The following TMEM232 variants were observed in gnomAD, a reference collection of about 807,000 sequenced individuals.
TMEM232 encodes the protein transmembrane protein 232.
In TMEM232, 80 loss-of-function variants were observed where a neutral mutation model predicts 78.8. The ratio of observed to expected loss-of-function variants is 1.01; its 90% CI spans 0.85 to 1.22. The LOEUF is 1.22. Ranked by LOEUF, TMEM232 falls within the 50% of genes most tolerant of loss-of-function variation. The pLI is 0.00. For missense variants in TMEM232, 881 were observed against 742.2 expected, an observed-to-expected ratio of 1.19 and a Z score of -2.17; for synonymous variants, 297 against 254.3, an observed-to-expected ratio of 1.17 and a Z score of -1.60.
chr5:110,445,013 A>AGGAACTCTTT lies in TMEM232; in HGVS notation c.1704-20107_1704-20098dup, dbSNP rs536163234. ...TTCCACTATTGTGTTTTTAATGTCT[A>AGGAACTCTTT]GGAACTCTTTCTTTCTTATTCATAT... On this transcript the variant is annotated intron_variant, in intron 12 of 13. Transcript: ENST00000455884. Among the ~76,000 whole-genome samples the AGGAACTCTTT allele has an allele frequency of 1.8e-4, 28 of 152,096 alleles. No individual in the cohort carries two copies. In the South Asian group the frequency reaches 5.4e-3, roughly 29 times the overall value.
At chr5:110,709,999 T>C (rs1197440315) in intron 1 of TMEM232, among the ~76,000 whole-genome samples, 1 of 150,634 alleles carries the variant, frequency 6.6e-6, no homozygotes, top group Non-Finnish European at 1.5e-5. Flanking sequence ...TTTGAAAAGA[T>C]AAACTTGGAA....
At chr5:110,653,669 T>TG (rs1206097640) in intron 2 of TMEM232, among the ~76,000 whole-genome samples, 1 of 150,404 alleles carries the variant, frequency 6.6e-6, no homozygotes, top group Non-Finnish European at 1.5e-5. Flanking sequence ...AAAGAAATCA[T>TG]GATGTCAAGC....
rs1784995410 is a variant in TMEM232, at chr5:110,630,607, TCTC to T, written c.502-2730_502-2728del. 2.0e-5 allele frequency among the ~76,000 whole-genome samples: 3 copies of T among 152,270 alleles called. No individual in the cohort carries two copies. In the South Asian group the frequency reaches 6.2e-4, roughly 32 times the overall value. On this transcript the variant is annotated intron_variant, in intron 5 of 13. Transcript: ENST00000455884. ...TCTAACATGTGAAGATATGCTTGCTTCTCCTTCACTTTCCACCATGATTATAAG... is the reference window on the plus strand; with the variant it reads ...TCTAACATGTGAAGATATGCTTGCTTCTTCACTTTCCACCATGATTATAAG...
intron 1 of TMEM232, among the ~76,000 whole-genome samples, chr5:110,679,888 A>G (rs1792501649): frequency 6.6e-6 from 1 of 151,868 alleles, no homozygotes; most frequent in Non-Finnish European, 1.5e-5. Flanking sequence ...TTTATTTTTC[A>G]TTTCATGGTA....
intron 12 of TMEM232, among the ~76,000 whole-genome samples, chr5:110,461,255 T>TAA (rs112954288): frequency 2.0e-5 from 3 of 148,872 alleles, no homozygotes; most frequent in African/African-American, 7.4e-5. Flanking sequence ...CATGAATGAT[T>TAA]AAAAAAAAAA....
chr5:110,582,099 GA>G, intron 10 of TMEM232, among the ~76,000 whole-genome samples: 1 of 152,110 alleles, frequency 6.6e-6, no homozygotes, highest in South Asian at 2.1e-4. Flanking sequence ...AAGCAGTTTG[GA>G]GATTTCTCAA....
At chr5:110,627,597 A>G (rs898029797) in intron 6 of TMEM232, among the ~76,000 whole-genome samples, 184 bp downstream of exon 6, 3 of 152,094 alleles carry the variant, frequency 2.0e-5, no homozygotes, top group Non-Finnish European at 2.9e-5. Flanking sequence ...TAACAAAAGT[A>G]TGGGGGTTGG....
chr5:110,468,885 A>G (rs1323001591), intron 12 of TMEM232, among the ~76,000 whole-genome samples: 1 of 152,202 alleles, frequency 6.6e-6, no homozygotes, highest in Non-Finnish European at 1.5e-5. Flanking sequence ...GAATATGTCA[A>G]AGGAGTACCA....
intron 12 of TMEM232, among the ~76,000 whole-genome samples, chr5:110,453,430 TAGC>T (rs1054805174): frequency 6.6e-6 from 1 of 152,094 alleles, no homozygotes; most frequent in Admixed American, 6.5e-5. Context: ...GCCTCCTAAG[TAGC>T]TGGGATTACA....
At chr5:110,431,252 T>G (rs1331322107) in intron 12 of TMEM232, among the ~76,000 whole-genome samples, 1 of 151,490 alleles carries the variant, frequency 6.6e-6, no homozygotes, top group East Asian at 1.9e-4. Context: ...TTCAGAAACT[T>G]TACAGTTTCT....
At chr5:110,528,447 T>C (rs550056940) in intron 12 of TMEM232, 141 bp downstream of exon 12, 99 of 616,030 alleles carry the variant, frequency 1.6e-4, no homozygotes, top group Admixed American at 5.5e-4. Context: ...CAATGATAGA[T>C]CATCTAAGAG....
At chr5:110,537,264 C>A (rs1040895565) in intron 11 of TMEM232, among the ~76,000 whole-genome samples, 1 of 151,104 alleles carries the variant, frequency 6.6e-6, no homozygotes, top group Non-Finnish European at 1.5e-5. Flanking sequence ...CCCTGATAAT[C>A]TAAAGAGAAA....
intron 10 of TMEM232, among the ~76,000 whole-genome samples, chr5:110,568,912 C>CA (rs1776623256): frequency 6.6e-6 from 1 of 151,674 alleles, no homozygotes; most frequent in Non-Finnish European, 1.5e-5. Flanking sequence ...ACTACATACA[C>CA]AAAATAAATT....
chr5:110,576,456 T>A (rs1777582702), intron 10 of TMEM232, among the ~76,000 whole-genome samples: 1 of 152,126 alleles, frequency 6.6e-6, no homozygotes, highest in Non-Finnish European at 1.5e-5. Flanking sequence ...ATGGCCATAC[T>A]GCCTAAAGCA....
chr5:110,659,104 A>G (rs1232756207), intron 2 of TMEM232, among the ~76,000 whole-genome samples: 1 of 152,116 alleles, frequency 6.6e-6, no homozygotes, highest in African/African-American at 2.4e-5. Context: ...AACTCTGTAA[A>G]TCAGCTAGTT....
rs74641315 is a variant in TMEM232, at chr5:110,450,766, G to A, written c.1704-25850C>T. On this transcript the variant is annotated intron_variant, in intron 12 of 13. Transcript: ENST00000455884. ...GTTCTTGGGGCAGAGATTGCAATGA[G>A]TTAATCAGAATCTTTATTGTGTCTT... Among the ~76,000 whole-genome samples the A allele has an allele frequency of 8.7e-3, 1,321 of 152,266 alleles. 20 individuals carry two copies. Among genetic ancestry groups the A allele is most frequent in the African/African-American group, 0.03 (1,239 of 41,556 alleles).
chr5:110,421,230 C>T (rs1277658657), intron 13 of TMEM232, among the ~76,000 whole-genome samples: 1 of 151,470 alleles, frequency 6.6e-6, no homozygotes, highest in Non-Finnish European at 1.5e-5. Context: ...TGCAGAAGGC[C>T]AGAAAAAAAG....
chr5:110,613,432 G>A (rs1049593703), intron 8 of TMEM232, among the ~76,000 whole-genome samples: 2 of 152,054 alleles, frequency 1.3e-5, no homozygotes, highest in African/African-American at 4.8e-5. Flanking sequence ...CAGTTGAATG[G>A]TCTCTCTTTG....
At chr5:110,673,989 TG>T (rs1791700643) in intron 1 of TMEM232, among the ~76,000 whole-genome samples, 1 of 26,918 alleles carries the variant, frequency 3.7e-5, no homozygotes, top group African/African-American at 1.7e-4. Context: ...AGAGGTAACA[TG>T]AAAAAAAAAA....
Sources: gnomAD v4.1 joint callset for allele counts (sites outside exome capture counted in the v4.1 genomes callset) on GRCh38, gnomAD v4.1.1 for gene constraint, MANE v1.5 for transcripts, NCBI Gene and HGNC (gene_info 2026-07-23, HGNC 2026-07-21) for gene names.